GRM8: variants seen among roughly 807,000 people sequenced by gnomAD.
The protein encoded by GRM8 is metabotropic glutamate receptor 8.
GRM8 carries 47 observed loss-of-function variants against 87.2 expected under a neutral mutation model. The observed-to-expected ratio is 0.54, with a 90% CI of 0.43 to 0.69. The LOEUF (loss-of-function observed/expected upper bound fraction) is 0.69, where lower values mean the gene tolerates loss of function less well. Among genes scored for constraint, GRM8 ranks in the 30% least tolerant of loss-of-function variants. GRM8 has a pLI of 0.00. For missense variants in GRM8, 1,019 were observed against 1,139.2 expected (o/e 0.89, Z 1.52); for synonymous variants, 396 against 404.5 (o/e 0.98, Z 0.25).
At chr7:126,466,845 C>T (rs1804558242) in intron 9 of GRM8, among the ~76,000 whole-genome samples, 1 of 151,958 alleles carries the variant, frequency 6.6e-6, no homozygotes, top group South Asian at 2.1e-4. Context: ...TGGAAACAAA[C>T]TCATAAAGAT....
intron 7 of GRM8, among the ~76,000 whole-genome samples, chr7:126,689,489 G>A (rs191556356): frequency 1.4e-4 from 22 of 152,296 alleles, no homozygotes; most frequent in African/African-American, 5.1e-4. Context: ...AATGAAAGCT[G>A]AGTAGCCTCA....
In GRM8 at chr7:126,527,423, T is replaced by C. The variant is rs114772614; in HGVS notation, c.2430+5529A>G. Among the ~76,000 whole-genome samples the C allele has an allele frequency of 3.0e-3, 457 of 152,326 alleles. 2 individuals carry two copies. The highest frequency in any genetic ancestry group is 0.011 in the African/African-American group (449 of 41,574). On this transcript the variant is annotated intron_variant, in intron 9 of 10. Transcript: ENST00000339582. ...CAACAGGTAGCCTAAGATAGTTATATGCAGTGATTAACGATTACAAACATA... is the reference window on the plus strand; with the variant it reads ...CAACAGGTAGCCTAAGATAGTTATACGCAGTGATTAACGATTACAAACATA...
intron 3 of GRM8, among the ~76,000 whole-genome samples, chr7:126,948,900 C>T (rs1807839633): frequency 6.6e-6 from 1 of 152,178 alleles, no homozygotes; most frequent in Non-Finnish European, 1.5e-5. Flanking sequence ...TAAGATTCAA[C>T]CACAGATGAG....
chr7:127,223,003 G>C (rs1396944309), intron 2 of GRM8, among the ~76,000 whole-genome samples: 1 of 152,162 alleles, frequency 6.6e-6, no homozygotes, highest in Non-Finnish European at 1.5e-5. Flanking sequence ...GACCTTGAGA[G>C]AGGAACAAGA....
chr7:127,235,914 T>C (rs1391585967), intron 2 of GRM8, among the ~76,000 whole-genome samples: 2 of 152,366 alleles, frequency 1.3e-5, no homozygotes, highest in East Asian at 1.9e-4. Context: ...AATAAAATCA[T>C]GTGTGCATGT....
At chr7:126,984,274 G>A (rs1362033973) in intron 3 of GRM8, among the ~76,000 whole-genome samples, 1 of 152,188 alleles carries the variant, frequency 6.6e-6, no homozygotes, top group Non-Finnish European at 1.5e-5. Flanking sequence ...GGGTGGACTT[G>A]TGATGGTTAA....
chr7:126,879,068 C>T (rs1241833716), intron 6 of GRM8, among the ~76,000 whole-genome samples: 1 of 149,876 alleles, frequency 6.7e-6, no homozygotes, highest in Admixed American at 6.7e-5. Context: ...GAGGCTGAGG[C>T]AGGAGAATTG....
At chr7:126,988,155 A>ACACTTCCATCAAAACC (rs1343295262) in intron 3 of GRM8, among the ~76,000 whole-genome samples, 1 of 152,192 alleles carries the variant, frequency 6.6e-6, no homozygotes, top group Non-Finnish European at 1.5e-5. Flanking sequence ...CTATCACAAA[A>ACACTTCCATCAAAACC]CACTTCCATC....
chr7:126,799,931 TCTC>T (rs1485392566), intron 6 of GRM8, among the ~76,000 whole-genome samples: 4 of 151,994 alleles, frequency 2.6e-5, no homozygotes, highest in Non-Finnish European at 4.4e-5. Flanking sequence ...AATCCAGTAA[TCTC>T]CTCCTTCTCA....
chr7:126,584,227 C>CTT (rs147591844), intron 8 of GRM8, among the ~76,000 whole-genome samples: 4 of 151,300 alleles, frequency 2.6e-5, no homozygotes, highest in African/African-American at 4.9e-5. Flanking sequence ...GTAAAGATAA[C>CTT]TTTTTTTTTA....
chr7:126,949,588 T>C (rs1216217621), intron 3 of GRM8, among the ~76,000 whole-genome samples: 3 of 152,218 alleles, frequency 2.0e-5, no homozygotes, highest in Non-Finnish European at 4.4e-5. Context: ...GAGTTAAGAA[T>C]TGGAGTTAAG....
At chr7:126,522,980 A>G (rs1813223437) in intron 9 of GRM8, among the ~76,000 whole-genome samples, 1 of 152,234 alleles carries the variant, frequency 6.6e-6, no homozygotes, top group African/African-American at 2.4e-5. Context: ...CAAACATTTA[A>G]TAAATACTTT....
chr7:126,899,104 A>AGTGT (rs71177573), intron 6 of GRM8, among the ~76,000 whole-genome samples: 217 of 140,396 alleles, frequency 1.5e-3, no homozygotes, highest in African/African-American at 3.6e-3. Context: ...ACTGGTTAAC[A>AGTGT]GTGTGTGTGT....
chr7:126,604,117 G>A (rs528843524), intron 8 of GRM8, among the ~76,000 whole-genome samples: 2 of 151,696 alleles, frequency 1.3e-5, no homozygotes, highest in African/African-American at 4.8e-5. Context: ...CATACATATA[G>A]CATGTATATA....
At chr7:126,490,753 T>C (rs1379875920) in intron 9 of GRM8, among the ~76,000 whole-genome samples, 1 of 152,084 alleles carries the variant, frequency 6.6e-6, no homozygotes, top group Non-Finnish European at 1.5e-5. Context: ...TGTCTCAGAC[T>C]TCTGCTTTCA....
chr7:126,694,886 C>A (rs558198301), intron 7 of GRM8, among the ~76,000 whole-genome samples: 2 of 152,188 alleles, frequency 1.3e-5, no homozygotes, highest in Non-Finnish European at 1.5e-5. Context: ...ATGTGGCCAA[C>A]AACAATGGTC....
chr7:126,914,762 C>G lies in GRM8; in HGVS notation c.728-10079G>C, dbSNP rs188903157. On this transcript the variant is annotated intron_variant, in intron 3 of 10. Coordinates refer to ENST00000339582, the MANE Select transcript of GRM8 (RefSeq NM_000845.3). ...AGATGGGAACAATAGACACTGGAAACTCCCCAAGGATGGAGGGAGTGGGGC... is the reference window on the plus strand; with the variant it reads ...AGATGGGAACAATAGACACTGGAAAGTCCCCAAGGATGGAGGGAGTGGGGC... Among the ~76,000 whole-genome samples, 13 of 152,252 alleles carry G rather than the reference C, an allele frequency of 8.5e-5. No homozygotes were observed. The East Asian group carries it at 2.3e-3, about 27-fold the overall frequency.
At chr7:127,190,414 C>T (rs1257700619) in intron 2 of GRM8, among the ~76,000 whole-genome samples, 1 of 152,006 alleles carries the variant, frequency 6.6e-6, no homozygotes, top group Non-Finnish European at 1.5e-5. Flanking sequence ...TGTGGTGGCA[C>T]ACACCTGTAG....
At chr7:126,581,622 C>T (rs1241754879) in intron 8 of GRM8, among the ~76,000 whole-genome samples, 4 of 152,104 alleles carry the variant, frequency 2.6e-5, no homozygotes, top group South Asian at 2.1e-4. Flanking sequence ...CCTCACATTA[C>T]GGTGCTTTTT....
Sources: gnomAD v4.1 joint callset for allele counts (sites outside exome capture counted in the v4.1 genomes callset) on GRCh38, gnomAD v4.1.1 for gene constraint, MANE v1.5 for transcripts, NCBI Gene and HGNC (gene_info 2026-07-23, HGNC 2026-07-21) for gene names.